Variants in HERC3 observed in about 807,000 individuals in gnomAD.
The protein encoded by HERC3 is probable E3 ubiquitin-protein ligase HERC3.
A neutral mutation model predicts 129.9 loss-of-function variants in HERC3; 58 were observed. The ratio of observed to expected loss-of-function variants is 0.45; its 90% CI spans 0.36 to 0.56. The LOEUF is 0.56. HERC3 is among the 20% of genes least tolerant of loss of function. HERC3 has a pLI of 0.00. For missense variants in HERC3, 835 were observed against 1,244.2 expected, an observed-to-expected ratio of 0.67 and a Z score of 4.95; for synonymous variants, 430 against 451.0, an observed-to-expected ratio of 0.95 and a Z score of 0.59.
intron 3 of HERC3, among the ~76,000 whole-genome samples, chr4:88,625,497 AAT>A (rs1725997729): frequency 6.6e-6 from 1 of 152,160 alleles, no homozygotes; most frequent in Middle Eastern, 3.2e-3. Context: ...AGTATTTAGA[AAT>A]ATGATTGATT....
At chr4:88,530,260 A>G in the HERC3 span, among the ~76,000 whole-genome samples, 26 of 152,126 alleles carry the variant, frequency 1.7e-4, no homozygotes, top group African/African-American at 5.8e-4. Context: ...ACTGCACTCC[A>G]GCCTAGGTGA....
rs116237305 is a variant in HERC3, at chr4:88,704,324, C to A, written c.2841+43C>A. 4.8e-4 allele frequency: 759 copies of A among 1,586,800 alleles called. 6 individuals carry two copies. The African/African-American group carries it at 5.0e-3, about 10-fold the overall frequency. On this transcript the variant is annotated intron_variant, in intron 24 of 25. Transcript: ENST00000402738. ...TTTAACTCCTTTAACTCCGGCGAAG[C>A]AGCAGCAGCCTGGGGAGGTGTTCCC...
At chr4:88,534,077 C>T in the HERC3 span, among the ~76,000 whole-genome samples, 1 of 152,174 alleles carries the variant, frequency 6.6e-6, no homozygotes, top group African/African-American at 2.4e-5. Context: ...GCATATGAGT[C>T]ACCTGGGAAT....
At chr4:88,550,979 C>T in the HERC3 span, among the ~76,000 whole-genome samples, 15 of 148,100 alleles carry the variant, frequency 1.0e-4, no homozygotes, top group East Asian at 1.0e-3. Context: ...GAAATAATGC[C>T]GCATATCTAC....
intron 14 of HERC3, among the ~76,000 whole-genome samples, chr4:88,669,143 T>C (rs1473217273): frequency 6.6e-6 from 1 of 152,204 alleles, no homozygotes; most frequent in Admixed American, 6.6e-5. Flanking sequence ...GTAGAGAGTA[T>C]GCTACAGGTA....
the HERC3 span, among the ~76,000 whole-genome samples, chr4:88,577,926 A>T: frequency 2.0e-5 from 3 of 152,184 alleles, no homozygotes; most frequent in Non-Finnish European, 4.4e-5. Flanking sequence ...CATTTTTCAG[A>T]TTATCAATCA....
the HERC3 span, among the ~76,000 whole-genome samples, chr4:88,564,139 C>T: frequency 6.6e-6 from 1 of 152,100 alleles, no homozygotes; most frequent in Non-Finnish European, 1.5e-5. Flanking sequence ...AGGATAAATC[C>T]TATTTGGTCT....
intron 19 of HERC3, 103 bp from the exon 20 acceptor site, chr4:88,679,990 T>C (rs1471352317): frequency 4.4e-5 from 44 of 994,042 alleles, no homozygotes; most frequent in Non-Finnish European, 6.1e-5. Context: ...TTCTTTGTTA[T>C]GCTTTCCTTC....
chr4:88,687,823 C>T (rs1733641162), intron 23 of HERC3, among the ~76,000 whole-genome samples: 1 of 152,220 alleles, frequency 6.6e-6, no homozygotes, highest in Non-Finnish European at 1.5e-5. Context: ...GAGTCTGGAT[C>T]ATAACAACAA....
intron 6 of HERC3, 87 bp from the exon 7 acceptor site, chr4:88,653,955 G>C: frequency 1.0e-6 from 1 of 962,666 alleles, no homozygotes. Context: ...CAGGAATCCA[G>C]GAATCCAAAA....
At chr4:88,688,251 T>C (rs1733690196) in intron 23 of HERC3, among the ~76,000 whole-genome samples, 1 of 152,128 alleles carries the variant, frequency 6.6e-6, no homozygotes, top group Admixed American at 6.5e-5. Context: ...TGGGTACTTG[T>C]GGAGTGGGTA....
chr4:88,552,864 A>G, the HERC3 span, among the ~76,000 whole-genome samples: 1 of 151,822 alleles, frequency 6.6e-6, no homozygotes, highest in African/African-American at 2.4e-5. Flanking sequence ...TTCAGAAGCC[A>G]TATTCGGTAT....
chr4:88,584,081 A>T, the HERC3 span: 4 of 152,254 alleles, frequency 2.6e-5, no homozygotes, highest in African/African-American at 7.2e-5. Flanking sequence ...GGAATTTATT[A>T]TCTCACAATC....
At chr4:88,652,193 T>G (rs1729364688) in intron 5 of HERC3, 105 bp downstream of exon 5, 1 of 835,176 alleles carries the variant, frequency 1.2e-6, no homozygotes, top group Admixed American at 1.9e-5. Flanking sequence ...ATTAACTGGT[T>G]AGGGTCTATG....
intron 23 of HERC3, chr4:88,697,293 CTCG>C (rs1375335516): frequency 1.2e-6 from 2 of 1,605,336 alleles, no homozygotes; most frequent in Non-Finnish European, 1.7e-6. Flanking sequence ...CCTCCTCCTC[CTCG>C]TCTTCCCCCT....
At chr4:88,551,679 G>A in the HERC3 span, among the ~76,000 whole-genome samples, 1 of 152,202 alleles carries the variant, frequency 6.6e-6, no homozygotes, top group African/African-American at 2.4e-5. Flanking sequence ...CTTTTACACT[G>A]TTGGTGGGAC....
chr4:88,619,676 G>T (rs185465425), intron 3 of HERC3, among the ~76,000 whole-genome samples: 1 of 152,300 alleles, frequency 6.6e-6, no homozygotes, highest in East Asian at 1.9e-4. Flanking sequence ...AAAGGTGAGT[G>T]ATAGACTGGG....
chr4:88,697,794 A>T (rs1734806375), intron 23 of HERC3: 1 of 1,546,756 alleles, frequency 6.5e-7, no homozygotes, highest in Non-Finnish European at 8.7e-7. Context: ...GGGCTCCCGC[A>T]GAGGCCCTGC....
upstream of HERC3, among the ~76,000 whole-genome samples, chr4:88,590,851 C>T (rs143285971): frequency 2.8e-4 from 42 of 151,724 alleles, no homozygotes; most frequent in East Asian, 7.9e-3. Flanking sequence ...AATTGTGTTA[C>T]TCTTGTCCCC....
Sources: allele counts gnomAD v4.1 joint callset (sites outside exome capture counted in the v4.1 genomes callset), GRCh38; gene constraint gnomAD v4.1.1; transcripts MANE v1.5; gene names NCBI Gene and HGNC (gene_info 2026-07-23, HGNC 2026-07-21).